The following SHANK2 variants were observed in gnomAD, a reference collection of about 807,000 sequenced individuals.
SHANK2 encodes SH3 and multiple ankyrin repeat domains protein 2.
A neutral mutation model predicts 133.7 loss-of-function variants in SHANK2; 43 were observed. The ratio of observed to expected loss-of-function variants is 0.32; its 90% CI spans 0.25 to 0.41. The LOEUF is 0.41. SHANK2 is among the 10% of genes least tolerant of loss of function. SHANK2 has a pLI of 1.00. For missense variants in SHANK2, 1,994 were observed against 2,235.8 expected (o/e 0.89, Z 2.18); for synonymous variants, 1,017 against 952.8 (o/e 1.07, Z -1.24).
At chr11:71,218,362 T>C (rs1382786254) in intron 2 of SHANK2, among the ~76,000 whole-genome samples, 2 of 149,494 alleles carry the variant, frequency 1.3e-5, no homozygotes, top group Non-Finnish European at 3.0e-5. Flanking sequence ...CCTCCCAGGT[T>C]CAAGCGATTC....
intron 17 of SHANK2, among the ~76,000 whole-genome samples, chr11:70,564,278 A>G (rs1452163195): frequency 6.8e-6 from 1 of 147,966 alleles, no homozygotes; most frequent in Middle Eastern, 3.2e-3. Context: ...TTTTTTTTTG[A>G]GATGGAGTCT....
intron 14 of SHANK2, among the ~76,000 whole-genome samples, chr11:70,752,023 T>C (rs1478017881): frequency 6.6e-6 from 1 of 152,204 alleles, no homozygotes; most frequent in Non-Finnish European, 1.5e-5. Context: ...TACTAACACA[T>C]TAATAATAAC....
intron 14 of SHANK2, among the ~76,000 whole-genome samples, chr11:70,717,345 C>G (rs921404475): frequency 6.6e-6 from 1 of 152,184 alleles, no homozygotes; most frequent in Non-Finnish European, 1.5e-5. Flanking sequence ...ACCCACTAGC[C>G]GCTCAAAGGG....
intron 15 of SHANK2, among the ~76,000 whole-genome samples, chr11:70,669,914 G>A (rs1160828064): frequency 6.6e-6 from 1 of 152,236 alleles, no homozygotes; most frequent in Non-Finnish European, 1.5e-5. Flanking sequence ...GGCCAAACAA[G>A]TTCAAAGGCG....
intron 14 of SHANK2, among the ~76,000 whole-genome samples, chr11:70,741,276 CATCCATTCATCCATCCGTGCATCCAACT>C (rs1158214528): frequency 1.3e-5 from 2 of 151,468 alleles, no homozygotes; most frequent in African/African-American, 4.9e-5. Context: ...TCCATCCATC[CATCCATTCATCCATCCGTGCATCCAACT>C]ATCCATCCAT....
chr11:70,561,805 G>T (rs1407759063), intron 17 of SHANK2, among the ~76,000 whole-genome samples: 1 of 152,106 alleles, frequency 6.6e-6, no homozygotes, highest in Admixed American at 6.5e-5. Flanking sequence ...AAAGTGTTGG[G>T]ATTACAGGAG....
intron 11 of SHANK2, chr11:70,863,242 T>C: frequency 2.3e-6 from 1 of 438,558 alleles, no homozygotes; most frequent in Non-Finnish European, 4.6e-6. Flanking sequence ...GTGGGCTCCA[T>C]GAGGTGACAC....
intron 17 of SHANK2, among the ~76,000 whole-genome samples, chr11:70,636,286 T>C (rs2061080759): frequency 6.6e-6 from 1 of 152,192 alleles, no homozygotes; most frequent in African/African-American, 2.4e-5. Flanking sequence ...TGTGTACATG[T>C]ATGAGTATGT....
At chr11:70,909,931 A>G (rs187817876) in intron 10 of SHANK2, among the ~76,000 whole-genome samples, 5 of 152,254 alleles carry the variant, frequency 3.3e-5, no homozygotes, top group Non-Finnish European at 2.9e-5. Context: ...GACACTTATC[A>G]TTTCACTGTC....
intron 17 of SHANK2, among the ~76,000 whole-genome samples, chr11:70,642,512 G>A (rs2061197477): frequency 1.3e-5 from 2 of 152,188 alleles, no homozygotes; most frequent in Admixed American, 6.5e-5. Flanking sequence ...AGATTTATGG[G>A]GACGGCGGCT....
intron 17 of SHANK2, among the ~76,000 whole-genome samples, chr11:70,506,820 C>T (rs2059143200): frequency 6.6e-6 from 1 of 152,158 alleles, no homozygotes; most frequent in Admixed American, 6.5e-5. Context: ...GGACACCTGC[C>T]TCTCTAGCGG....
At chr11:71,248,490 C>T (rs1182023653) in intron 1 of SHANK2, among the ~76,000 whole-genome samples, 1 of 152,204 alleles carries the variant, frequency 6.6e-6, no homozygotes, top group African/African-American at 2.4e-5. Flanking sequence ...AGGCAAGCGG[C>T]TTCACTCCTC....
chr11:70,792,120 CAACCAACCAACT>C (rs1362555304), intron 14 of SHANK2, among the ~76,000 whole-genome samples: 1 of 152,124 alleles, frequency 6.6e-6, no homozygotes, highest in East Asian at 1.9e-4. Flanking sequence ...ACCAACCAAC[CAACCAACCAACT>C]AACCAATCAG....
chr11:70,658,238 CACACACAG>C (rs1282004991), intron 17 of SHANK2, among the ~76,000 whole-genome samples: 2,082 of 74,414 alleles, frequency 0.028, 19 homozygotes, highest in Non-Finnish European at 0.041. Context: ...CACACACACA[CACACACAG>C]ACACACACAC....
chr11:71,231,759 T>A lies in SHANK2; in HGVS notation c.-112-6963A>T, dbSNP rs1467621223. Among the ~76,000 whole-genome samples the A allele has an allele frequency of 3.9e-5, 6 of 152,122 alleles. No homozygotes were observed. The East Asian group carries it at 1.2e-3, about 29-fold the overall frequency. ...CATAAATTAGCTGGGCATGGTGGCA[T>A]GTGCCTGTAGTCTCAGCTACTTGGG... is the stretch of plus-strand genomic sequence containing the variant. On this transcript the variant is annotated intron_variant, in intron 1 of 25. Coordinates refer to ENST00000601538, the MANE Select transcript of SHANK2 (RefSeq NM_012309.5).
intron 17 of SHANK2, among the ~76,000 whole-genome samples, chr11:70,582,540 G>T (rs782709279): frequency 1.3e-5 from 2 of 152,204 alleles, no homozygotes; most frequent in African/African-American, 4.8e-5. Flanking sequence ...TGACCAGTGC[G>T]TGCAGGCTAG....
At chr11:70,952,228 C>T (rs191224020) in intron 10 of SHANK2, among the ~76,000 whole-genome samples, 1 of 152,314 alleles carries the variant, frequency 6.6e-6, no homozygotes, top group Admixed American at 6.5e-5. Flanking sequence ...GGGCCGGTTT[C>T]CTTGGGGCGT....
At chr11:70,667,461 C>T (rs1035418903) in intron 15 of SHANK2, among the ~76,000 whole-genome samples, 13 of 152,276 alleles carry the variant, frequency 8.5e-5, no homozygotes, top group African/African-American at 2.2e-4. Flanking sequence ...GGTCTCTCCC[C>T]GCTGGCAGGC....
intron 10 of SHANK2, among the ~76,000 whole-genome samples, chr11:70,914,668 T>TAAAATA (rs1555079597): frequency 3.7e-5 from 4 of 107,294 alleles, no homozygotes; most frequent in East Asian, 2.7e-4. Context: ...ACAAAAAAAA[T>TAAAATA]AAATAAAATA....
Sources: allele counts gnomAD v4.1 joint callset (sites outside exome capture counted in the v4.1 genomes callset), GRCh38; gene constraint gnomAD v4.1.1; transcripts MANE v1.5; gene names NCBI Gene and HGNC (gene_info 2026-07-23, HGNC 2026-07-21).